RBM27: variants seen among roughly 807,000 people sequenced by gnomAD.
RBM27 encodes RNA binding motif protein 27, also known as RNA-binding protein 27.
In RBM27, 22 loss-of-function variants were observed where a neutral mutation model predicts 135.3. The ratio of observed to expected loss-of-function variants is 0.16; its 90% CI spans 0.12 to 0.23. The LOEUF (loss-of-function observed/expected upper bound fraction) is 0.23, where lower values mean the gene tolerates loss of function less well. RBM27 is among the 10% of genes least tolerant of loss of function. The pLI is 1.00. For missense variants in RBM27, 1,009 were observed against 1,281.0 expected, an observed-to-expected ratio of 0.79 and a Z score of 3.24; for synonymous variants, 481 against 442.4, an observed-to-expected ratio of 1.09 and a Z score of -1.10.
intron 15 of RBM27, among the ~76,000 whole-genome samples, chr5:146,268,494 G>A (rs532202783): frequency 1.6e-4 from 25 of 152,110 alleles, no homozygotes; most frequent in African/African-American, 4.3e-4. Flanking sequence ...CACCTGCCTC[G>A]GCTTCCCAAA....
At chr5:146,263,848 T>C (rs940009674) in intron 14 of RBM27, among the ~76,000 whole-genome samples, 2 of 152,104 alleles carry the variant, frequency 1.3e-5, no homozygotes, top group African/African-American at 4.8e-5. Context: ...CTCACACCTG[T>C]AATCCCAGCA....
In RBM27 at chr5:146,269,547, C is replaced by T. The variant is rs546855454; in HGVS notation, c.2654C>T (p.Ala885Val). The T allele has an allele frequency of 2.7e-5, 43 of 1,573,912 alleles. No homozygotes were observed. The highest frequency in any genetic ancestry group is 3.5e-5 in the Non-Finnish European group (41 of 1,167,252). ...AAAGATGAATTAAAAACATCTTCTG[C>T]AGTCTCCACACCATCTAAAGTGAAG... ...QLKDELKTSS[A>V]VSTPSKVKTK... is the part of the protein sequence containing the mutation. The change falls in exon 17 of 21, where the codon GCA (alanine) becomes GTA (valine). Residue 885 changes from alanine to valine, a missense_variant. Ala to Val is a moderately conservative substitution (Grantham distance 64). Transcript: ENST00000265271.
At chr5:146,205,131 C>A (rs1755572273) in intron 1 of RBM27, among the ~76,000 whole-genome samples, 1 of 152,244 alleles carries the variant, frequency 6.6e-6, no homozygotes, top group South Asian at 2.1e-4. Context: ...CTCCTGACTT[C>A]AGGTGATCCG....
intron 14 of RBM27, among the ~76,000 whole-genome samples, chr5:146,266,726 A>G (rs1004575424): frequency 1.3e-5 from 2 of 152,110 alleles, no homozygotes; most frequent in Non-Finnish European, 2.9e-5. Context: ...ACTTGAGCCT[A>G]GGAGTTTGAG....
intron 19 of RBM27, among the ~76,000 whole-genome samples, chr5:146,282,737 A>G (rs896266599): frequency 3.9e-5 from 6 of 152,214 alleles, no homozygotes; most frequent in Non-Finnish European, 5.9e-5. Context: ...CCAGTCCCCC[A>G]GAAACACCAA....
chr5:146,234,627 A>C (rs1409432700), intron 7 of RBM27, among the ~76,000 whole-genome samples: 1 of 152,342 alleles, frequency 6.6e-6, no homozygotes, highest in South Asian at 2.1e-4. Context: ...ATATAGTAGA[A>C]ATAGAAGTAA....
At chr5:146,204,695 G>T (rs770633900) in intron 1 of RBM27, among the ~76,000 whole-genome samples, 4 of 152,140 alleles carry the variant, frequency 2.6e-5, no homozygotes, top group Non-Finnish European at 4.4e-5. Flanking sequence ...AAGAATAAGA[G>T]ATTTGTAAGT....
intron 19 of RBM27, among the ~76,000 whole-genome samples, chr5:146,277,748 G>T (rs1421351306): frequency 2.0e-5 from 3 of 149,930 alleles, no homozygotes; most frequent in African/African-American, 7.4e-5. Flanking sequence ...TGGTCAGGCT[G>T]GTCTCAAACT....
At position 146,257,920 on chromosome 5, in the gene RBM27, G is replaced by A. The variant is rs1758186304; in HGVS notation, c.1595-529G>A. On this transcript the variant is annotated intron_variant, in intron 10 of 20. Coordinates refer to ENST00000265271, the MANE Select transcript of RBM27 (RefSeq NM_018989.2). ...CAACCTCCGTCTCCTGGGTTCAAGC[G>A]ATTCTCCTGCCTCAGCCTCCCGAGT... Among the ~76,000 whole-genome samples, 3 of 151,948 alleles carry A rather than the reference G, an allele frequency of 2.0e-5. No individual in the cohort carries two copies. In the South Asian group the frequency reaches 6.2e-4, roughly 31 times the overall value.
chr5:146,228,019 G>A (rs1756751173), intron 3 of RBM27, among the ~76,000 whole-genome samples: 1 of 152,066 alleles, frequency 6.6e-6, no homozygotes, highest in African/African-American at 2.4e-5. Context: ...TTACTCTATG[G>A]TACTTAAGAG....
At chr5:146,261,484 A>G (rs1758393470) in intron 12 of RBM27, 26 bp from the exon 13 acceptor site, 1 of 1,583,458 alleles carries the variant, frequency 6.3e-7, no homozygotes, top group African/African-American at 1.4e-5. Flanking sequence ...GTTTTTGGGA[A>G]TTTATATTGT....
At chr5:146,247,436 T>C (rs758696726) in intron 8 of RBM27, among the ~76,000 whole-genome samples, 5 of 152,248 alleles carry the variant, frequency 3.3e-5, no homozygotes, top group Non-Finnish European at 7.3e-5. Flanking sequence ...TGCCCTTTTG[T>C]ACCTGGTTTA....
At chr5:146,256,154 C>A (rs978493347) in intron 10 of RBM27, among the ~76,000 whole-genome samples, 5 of 151,502 alleles carry the variant, frequency 3.3e-5, no homozygotes, top group African/African-American at 1.2e-4. Context: ...CCATGCCCAG[C>A]CTAGCATTTT....
At chr5:146,282,982 T>C (rs146830023) in intron 19 of RBM27, among the ~76,000 whole-genome samples, 1 of 152,368 alleles carries the variant, frequency 6.6e-6, no homozygotes, top group East Asian at 1.9e-4. Context: ...TTTAATAATG[T>C]ATATGCAATA....
chr5:146,263,674 G>A (rs1227673487), intron 14 of RBM27, 43 bp downstream of exon 14: 4 of 1,596,782 alleles, frequency 2.5e-6, no homozygotes, highest in East Asian at 2.3e-5. Flanking sequence ...GAATCATTCA[G>A]TGAATTAACA....
At chr5:146,219,153 T>A in intron 2 of RBM27, 50 bp downstream of exon 2, 2 of 1,340,408 alleles carry the variant, frequency 1.5e-6, no homozygotes, top group Non-Finnish European at 2.1e-6. Context: ...ATTTTAAGTT[T>A]AAAACTTCCT....
chr5:146,229,329 A>C (rs1010749007), intron 4 of RBM27, among the ~76,000 whole-genome samples: 4 of 152,206 alleles, frequency 2.6e-5, no homozygotes, highest in Non-Finnish European at 4.4e-5. Context: ...GCTTAGTATT[A>C]AAATCATCCA....
At chr5:146,206,139 C>T in intron 1 of RBM27, among the ~76,000 whole-genome samples, 1 of 152,162 alleles carries the variant, frequency 6.6e-6, no homozygotes, top group Non-Finnish European at 1.5e-5. Context: ...ACCTACTTTC[C>T]AGACAAGTTT....
chr5:146,251,552 T>TA, intron 8 of RBM27, among the ~76,000 whole-genome samples, 159 bp from the exon 9 acceptor site: 1 of 152,330 alleles, frequency 6.6e-6, no homozygotes, highest in East Asian at 1.9e-4. Flanking sequence ...CGTCTGTTCT[T>TA]TCTTGAGTTA....
Sources: allele counts gnomAD v4.1 joint callset (sites outside exome capture counted in the v4.1 genomes callset), GRCh38; gene constraint gnomAD v4.1.1; transcripts MANE v1.5; gene names NCBI Gene and HGNC (gene_info 2026-07-23, HGNC 2026-07-21).